Variants in KCND2 observed in about 807,000 individuals in gnomAD.
The protein encoded by KCND2 is potassium voltage-gated channel subfamily D member 2.
Under a neutral mutation model 54.4 loss-of-function variants are expected in KCND2, and 16 were observed. That is an observed-to-expected ratio of 0.29 (90% CI 0.20 to 0.45). The LOEUF (loss-of-function observed/expected upper bound fraction) is 0.45, where lower values mean the gene tolerates loss of function less well. KCND2 is among the 20% of genes least tolerant of loss of function. The pLI is 1.00. For missense variants in KCND2, 486 were observed against 824.2 expected, an observed-to-expected ratio of 0.59 and a Z score of 5.02; for synonymous variants, 317 against 310.7, an observed-to-expected ratio of 1.02 and a Z score of -0.21.
chr7:120,523,746 G>GTA (rs1376174730), intron 1 of KCND2, among the ~76,000 whole-genome samples: 3 of 128,900 alleles, frequency 2.3e-5, no homozygotes, highest in African/African-American at 1.0e-4. Flanking sequence ...GTGTGTGTGT[G>GTA]TATGTCTTTG....
intron 1 of KCND2, among the ~76,000 whole-genome samples, chr7:120,520,423 G>A (rs1791674416): frequency 6.6e-6 from 1 of 152,128 alleles, no homozygotes; most frequent in African/African-American, 2.4e-5. Flanking sequence ...ATATGTATGA[G>A]AATAGAAGTC....
At chr7:120,387,594 CTG>C (rs1299693977) in intron 1 of KCND2, among the ~76,000 whole-genome samples, 2 of 151,966 alleles carry the variant, frequency 1.3e-5, no homozygotes, top group Non-Finnish European at 2.9e-5. Flanking sequence ...GAAATCCAAA[CTG>C]TATTTTATAA....
chr7:120,647,614 A>G (rs916144057), intron 1 of KCND2, among the ~76,000 whole-genome samples: 35 of 152,356 alleles, frequency 2.3e-4, no homozygotes, highest in African/African-American at 8.4e-4. Context: ...ATGTGGCTGC[A>G]GAAAAGAACG....
At chr7:120,443,935 T>G (rs1801982547) in intron 1 of KCND2, among the ~76,000 whole-genome samples, 1 of 152,010 alleles carries the variant, frequency 6.6e-6, no homozygotes, top group African/African-American at 2.4e-5. Context: ...AACCCCAAGG[T>G]GGTGTGCTTT....
chr7:120,281,387 C>T (rs1220377648), intron 1 of KCND2, among the ~76,000 whole-genome samples: 1 of 148,962 alleles, frequency 6.7e-6, no homozygotes, highest in Non-Finnish European at 1.5e-5. Flanking sequence ...CCACTAGCTT[C>T]TGCAGCTAGA....
chr7:120,419,457 T>C (rs921179094), intron 1 of KCND2, among the ~76,000 whole-genome samples: 4 of 152,236 alleles, frequency 2.6e-5, no homozygotes, highest in African/African-American at 7.2e-5. Context: ...GGCAATGTGT[T>C]ACAAGTCTTT....
chr7:120,311,461 G>C (rs904810956), intron 1 of KCND2, among the ~76,000 whole-genome samples: 2 of 152,188 alleles, frequency 1.3e-5, no homozygotes, highest in African/African-American at 4.8e-5. Flanking sequence ...TTAATCTGAG[G>C]AAGACTGGGA....
intron 1 of KCND2, among the ~76,000 whole-genome samples, chr7:120,703,794 A>G (rs1792432775): frequency 6.6e-6 from 1 of 152,238 alleles, no homozygotes; most frequent in Non-Finnish European, 1.5e-5. Flanking sequence ...GGACTTCCAC[A>G]GTAACCAACA....
At chr7:120,552,746 A>T (rs946776789) in intron 1 of KCND2, among the ~76,000 whole-genome samples, 16 of 152,202 alleles carry the variant, frequency 1.1e-4, no homozygotes, top group African/African-American at 3.1e-4. Context: ...GGAGTCCTGC[A>T]TACACCTGCA....
At chr7:120,300,987 A>G (rs1359714634) in intron 1 of KCND2, among the ~76,000 whole-genome samples, 2 of 152,264 alleles carry the variant, frequency 1.3e-5, no homozygotes, top group East Asian at 3.9e-4. Context: ...CCACAAAGGT[A>G]AAAGTCCTCA....
intron 1 of KCND2, among the ~76,000 whole-genome samples, chr7:120,708,290 A>T (rs1792495407): frequency 6.6e-6 from 1 of 152,102 alleles, no homozygotes; most frequent in Non-Finnish European, 1.5e-5. Flanking sequence ...TAAATTACAA[A>T]CCTTCTAGGT....
chr7:120,651,930 C>T (rs1791738686), intron 1 of KCND2, among the ~76,000 whole-genome samples: 1 of 152,120 alleles, frequency 6.6e-6, no homozygotes, highest in Non-Finnish European at 1.5e-5. Flanking sequence ...CATGATTTTG[C>T]TTATTTTTGG....
At chr7:120,545,489 G>A (rs555820788) in intron 1 of KCND2, among the ~76,000 whole-genome samples, 73 of 151,964 alleles carry the variant, frequency 4.8e-4, no homozygotes, top group African/African-American at 1.6e-3. Context: ...TTCTGATTCT[G>A]TTAAGCTCTA....
At chr7:120,380,284 G>T (rs982661572) in intron 1 of KCND2, among the ~76,000 whole-genome samples, 9 of 152,106 alleles carry the variant, frequency 5.9e-5, no homozygotes, top group Admixed American at 5.2e-4. Context: ...CTGCATTTAT[G>T]TGACTCTCTA....
At chr7:120,420,601 C>T (rs62472264) in intron 1 of KCND2, among the ~76,000 whole-genome samples, 15,543 of 152,080 alleles carry the variant, frequency 0.1, 830 homozygotes, top group Admixed American at 0.13. Flanking sequence ...GGTGCATATC[C>T]ATCGGGGTGA....
At chr7:120,537,570 A>G (rs1289299633) in intron 1 of KCND2, among the ~76,000 whole-genome samples, 1 of 152,244 alleles carries the variant, frequency 6.6e-6, no homozygotes, top group African/African-American at 2.4e-5. Flanking sequence ...TTCTTTTAAT[A>G]GAAGGTTGTT....
intron 1 of KCND2, among the ~76,000 whole-genome samples, chr7:120,704,669 T>A (rs1792444121): frequency 6.6e-6 from 1 of 152,230 alleles, no homozygotes; most frequent in Non-Finnish European, 1.5e-5. Flanking sequence ...CCACATTTTG[T>A]ATCTTATACG....
chr7:120,514,837 G>C (rs1279772445), intron 1 of KCND2, among the ~76,000 whole-genome samples: 1 of 151,952 alleles, frequency 6.6e-6, no homozygotes, highest in Non-Finnish European at 1.5e-5. Context: ...GCTCCTCTAA[G>C]AATCTAATGT....
At chr7:120,315,134 T>C (rs1329529746) in intron 1 of KCND2, among the ~76,000 whole-genome samples, 1 of 152,172 alleles carries the variant, frequency 6.6e-6, no homozygotes, top group African/African-American at 2.4e-5. Flanking sequence ...TCTATTAATA[T>C]GATTTATTTC....
Sources: gnomAD v4.1 joint callset for allele counts (sites outside exome capture counted in the v4.1 genomes callset) on GRCh38, gnomAD v4.1.1 for gene constraint, MANE v1.5 for transcripts, NCBI Gene and HGNC (gene_info 2026-07-23, HGNC 2026-07-21) for gene names.